The following POLR1B variants were observed in gnomAD, a reference collection of about 807,000 sequenced individuals.
The protein encoded by POLR1B is DNA-directed RNA polymerase I subunit RPA2.
In POLR1B, 30 loss-of-function variants were observed where a neutral mutation model predicts 105.8. The observed-to-expected ratio is 0.28, with a 90% CI of 0.21 to 0.38. The LOEUF (loss-of-function observed/expected upper bound fraction) is 0.38, where lower values mean the gene tolerates loss of function less well. Among genes scored for constraint, POLR1B ranks in the 10% least tolerant of loss-of-function variants. POLR1B has a pLI of 1.00. For synonymous variants in POLR1B, 485 were observed against 505.1 expected, an observed-to-expected ratio of 0.96 and a Z score of 0.53; for missense variants, 976 against 1,435.8, an observed-to-expected ratio of 0.68 and a Z score of 5.17.
chr2:112,555,369 G>A lies in POLR1B; in HGVS notation c.1159-2541G>A, dbSNP rs548118110. On this transcript the variant is annotated intron_variant, in intron 7 of 14. Coordinates refer to ENST00000263331, the MANE Select transcript of POLR1B (RefSeq NM_019014.6). ...GAAAAAAGAAAAAAACACCTGGTGC[G>A]GTGGCTCACACCTGTAATCCCAGCA... is the stretch of plus-strand genomic sequence containing the variant. Among the ~76,000 whole-genome samples the A allele has an allele frequency of 2.3e-3, 346 of 152,084 alleles. 1 individual carries two copies. Among genetic ancestry groups the A allele is most frequent in the Non-Finnish European group, 3.6e-3 (244 of 67,970 alleles).
chr2:112,576,523 T>C lies in POLR1B; in HGVS notation c.*794T>C, dbSNP rs1243763728. ...CCTGTTGAACAACTCTCCATTTCCCTGGCCCCTAGCAACCACCCTTCTACC... is the reference window on the plus strand; with the variant it reads ...CCTGTTGAACAACTCTCCATTTCCCCGGCCCCTAGCAACCACCCTTCTACC... On this transcript the variant is annotated 3_prime_UTR_variant, in exon 15 of 15. Transcript: ENST00000263331. The C allele has an allele frequency of 1.3e-5, 2 of 152,262 alleles. No homozygotes were observed. The highest frequency in any genetic ancestry group is 2.9e-5 in the Non-Finnish European group (2 of 68,054). The allele number at this position is 152,262 out of a possible 1,614,324, so 9.4% of individuals were successfully genotyped here.
At chr2:112,561,155 C>T (rs763407654) in intron 9 of POLR1B, among the ~76,000 whole-genome samples, 1 of 151,704 alleles carries the variant, frequency 6.6e-6, no homozygotes, top group Non-Finnish European at 1.5e-5. Flanking sequence ...ATGTAATCAG[C>T]GTAATTTGAA....
Position 112,559,483 on chromosome 2 carries a change from C to G in POLR1B, c.1521C>G (p.Pro507=). The change falls in exon 9 of 15, where the codon CCC becomes CCG. Residue 507 remains proline, a synonymous_variant. Coordinates refer to ENST00000263331, the MANE Select transcript of POLR1B (RefSeq NM_019014.6). ...CCGTGCATACCCCAGACGGGGAGCC[C>G]TGTGGCCTGATGAACCACCTAACTG... ...LCPVHTPDGE[P]CGLMNHLTAV... 7 of 1,614,228 alleles carry G rather than the reference C, an allele frequency of 4.3e-6. No individual in the cohort carries two copies. In the South Asian group the frequency reaches 7.7e-5, roughly 18 times the overall value.
intron 7 of POLR1B, among the ~76,000 whole-genome samples, chr2:112,554,171 C>A (rs11123140): frequency 6.6e-6 from 1 of 151,604 alleles, no homozygotes; most frequent in Non-Finnish European, 1.5e-5. Context: ...CTTGCTCTGT[C>A]TCCCAGGCTG....
rs1003932697 is a variant in POLR1B at position 112,577,550 on chromosome 2, A to G, written c.*1821A>G. ...GGTGACAGAGCAGGACCCTGTCTCT[A>G]TTTTATAAATTAAAAAAGGCTGGGT... is the stretch of plus-strand genomic sequence containing the variant. On this transcript the variant is annotated 3_prime_UTR_variant, in exon 15 of 15. Coordinates refer to ENST00000263331, the MANE Select transcript of POLR1B (RefSeq NM_019014.6). Among the ~76,000 whole-genome samples, 2 of 151,986 alleles carry G rather than the reference A, an allele frequency of 1.3e-5. No individual in the cohort carries two copies. Among genetic ancestry groups the G allele is most frequent in the Non-Finnish European group, 2.9e-5 (2 of 67,994 alleles).
rs540409499 is a variant in POLR1B at position 112,551,978 on chromosome 2, A to C, written c.966A>C (p.Gln322His). ...TTCCTGACTGGTACCCAAATGAGCA[A>C]GCTGCGGAGTTCCTGTTTAAGTATG... ...LNVPDWYPNEQAAEFLFNQCI... is the reference protein window; with the variant it reads ...LNVPDWYPNEHAAEFLFNQCI... The change falls in exon 6 of 15, where the codon CAA (glutamine) becomes CAC (histidine). Residue 322 changes from glutamine to histidine, a missense_variant. This residue lies in a region of POLR1B where 452 missense variants were observed against 616.5 expected (regional missense o/e 0.73). Transcript: ENST00000263331. 3 of 1,614,106 alleles carry C rather than the reference A, an allele frequency of 1.9e-6. No individual in the cohort carries two copies. In the South Asian group the frequency reaches 3.3e-5, roughly 18 times the overall value.
chr2:112,552,173 A>AT (rs1409526883), intron 6 of POLR1B, among the ~76,000 whole-genome samples, 175 bp downstream of exon 6: 2 of 151,966 alleles, frequency 1.3e-5, no homozygotes, highest in Non-Finnish European at 2.9e-5. Flanking sequence ...CCTCACTTGT[A>AT]TTTTTTTAGT....
chr2:112,555,593 A>G (rs1472747753), intron 7 of POLR1B, among the ~76,000 whole-genome samples: 1 of 152,192 alleles, frequency 6.6e-6, no homozygotes, highest in African/African-American at 2.4e-5. Flanking sequence ...CGGAGGATGC[A>G]GTGTGCTGTG....
At chr2:112,551,081 C>T in intron 5 of POLR1B, 79 bp downstream of exon 5, 1 of 1,402,872 alleles carries the variant, frequency 7.1e-7, no homozygotes, top group Non-Finnish European at 1.0e-6. Context: ...GATGGATTCT[C>T]CTTGTTAAAA....
At chr2:112,570,144 G>A (rs1205768241) in intron 12 of POLR1B, among the ~76,000 whole-genome samples, 1 of 150,246 alleles carries the variant, frequency 6.7e-6, no homozygotes, top group African/African-American at 2.5e-5. Flanking sequence ...TGCCTCCCAT[G>A]TTCAATAAAT....
chr2:112,542,452 C>T (rs775757741), upstream of POLR1B: 21 of 1,606,526 alleles, frequency 1.3e-5, no homozygotes, highest in Non-Finnish European at 1.8e-5. Flanking sequence ...GACTGGCGTC[C>T]GGCGTGTACC....
At chr2:112,571,101 GTTTC>G (rs1351758739) in intron 12 of POLR1B, among the ~76,000 whole-genome samples, 1 of 151,942 alleles carries the variant, frequency 6.6e-6, no homozygotes, top group East Asian at 1.9e-4. Flanking sequence ...TTTTTTTATA[GTTTC>G]TTTCTTCTCT....
Position 112,563,487 on chromosome 2 carries a change from C to G in POLR1B, c.1613-879C>G, listed in dbSNP as rs1384849295. On this transcript the variant is annotated intron_variant, in intron 9 of 14. Transcript: ENST00000263331. ...GAGGAGATTATTTCCAAGTTGCAGTCAGTCCCCTCAAACCCTGCCGCTGTT... is the reference window on the plus strand; with the variant it reads ...GAGGAGATTATTTCCAAGTTGCAGTGAGTCCCCTCAAACCCTGCCGCTGTT... Among the ~76,000 whole-genome samples the G allele has an allele frequency of 2.6e-5, 4 of 152,208 alleles. No individual in the cohort carries two copies. In the East Asian group the frequency reaches 7.7e-4, roughly 29 times the overall value.
upstream of POLR1B, chr2:112,542,047 G>C: frequency 6.7e-7 from 1 of 1,486,722 alleles, no homozygotes; most frequent in Non-Finnish European, 9.1e-7. Context: ...ACTTTGGCCG[G>C]ATGACTCCCC....
chr2:112,558,094 C>T lies in POLR1B; in HGVS notation c.1330+13C>T, dbSNP rs776513316. On this transcript the variant is annotated intron_variant, in intron 8 of 14. Transcript: ENST00000263331. ...CGTTCTAAAACAGGTAAAATTAAATCGATCGTTTTAGTTATGTTTTTCAAA... is the reference window on the plus strand; with the variant it reads ...CGTTCTAAAACAGGTAAAATTAAATTGATCGTTTTAGTTATGTTTTTCAAA... 6.1e-6 allele frequency: 8 copies of T among 1,318,626 alleles called. No individual in the cohort carries two copies. In the South Asian group the frequency reaches 1.5e-4, roughly 24 times the overall value. The allele number at this position is 1,318,626 out of a possible 1,614,324, so 81.7% of individuals were successfully genotyped here.
intron 1 of POLR1B, among the ~76,000 whole-genome samples, chr2:112,543,734 A>G (rs1303218729): frequency 3.3e-5 from 5 of 152,080 alleles, no homozygotes; most frequent in Non-Finnish European, 7.4e-5. Context: ...GGTGGGGGTT[A>G]TTTGTATTGT....
intron 4 of POLR1B, 100 bp downstream of exon 4, chr2:112,549,499 C>CTTTTTTTTT (rs34591927): frequency 1.9e-6 from 1 of 540,176 alleles, no homozygotes; most frequent in African/African-American, 2.5e-5. Context: ...ATTTTTGTTT[C>CTTTTTTTTT]TTTTTTTTTT....
chr2:112,556,136 T>C (rs1683647853), intron 7 of POLR1B, among the ~76,000 whole-genome samples: 1 of 152,154 alleles, frequency 6.6e-6, no homozygotes, highest in Admixed American at 6.5e-5. Flanking sequence ...ATAAAAACAT[T>C]TATGACACAG....
At chr2:112,563,161 TCTC>T (rs1302216943) in intron 9 of POLR1B, among the ~76,000 whole-genome samples, 2 of 151,660 alleles carry the variant, frequency 1.3e-5, no homozygotes, top group Non-Finnish European at 2.9e-5. Context: ...TTCACGCCAT[TCTC>T]CTGCCTCAGC....
Sources: gnomAD v4.1 joint callset for allele counts (sites outside exome capture counted in the v4.1 genomes callset) on GRCh38, gnomAD v4.1.1 for gene constraint, gnomAD v4.1.1 regional missense constraint, MANE v1.5 for transcripts, NCBI Gene and HGNC (gene_info 2026-07-23, HGNC 2026-07-21) for gene names.